The following NIM1K variants were observed in gnomAD, a reference collection of about 807,000 sequenced individuals.
NIM1K encodes the protein serine/threonine-protein kinase NIM1.
Under a neutral mutation model 37.1 loss-of-function variants are expected in NIM1K, and 35 were observed. The observed-to-expected ratio is 0.94, with a 90% CI of 0.72 to 1.25. The LOEUF is 1.25. Ranked by LOEUF, NIM1K falls within the 50% of genes most tolerant of loss-of-function variation. NIM1K has a pLI of 0.00. For missense variants in NIM1K, 564 were observed against 548.0 expected, an observed-to-expected ratio of 1.03 and a Z score of -0.29; for synonymous variants, 234 against 206.6, an observed-to-expected ratio of 1.13 and a Z score of -1.14.
At chr5:43,224,841 G>A (rs748337736) in intron 1 of NIM1K, among the ~76,000 whole-genome samples, 13 of 151,736 alleles carry the variant, frequency 8.6e-5, no homozygotes, top group African/African-American at 2.9e-4. Context: ...GATTACAGGC[G>A]TCCACCATCA....
At chr5:43,220,389 G>A (rs921317762) in intron 1 of NIM1K, among the ~76,000 whole-genome samples, 10 of 150,516 alleles carry the variant, frequency 6.6e-5, no homozygotes, top group African/African-American at 2.2e-4. Context: ...AGGTTCAAGC[G>A]ATTCTCCTGC....
chr5:43,219,227 C>A (rs148071064), intron 1 of NIM1K, among the ~76,000 whole-genome samples: 1 of 152,060 alleles, frequency 6.6e-6, no homozygotes, highest in South Asian at 2.1e-4. Context: ...ATTTTCAGTT[C>A]GAGACCAGCT....
At chr5:43,249,646 TGAAAACACTGACATCCA>T (rs964931224) in intron 2 of NIM1K, among the ~76,000 whole-genome samples, 3 of 151,994 alleles carry the variant, frequency 2.0e-5, no homozygotes, top group African/African-American at 7.2e-5. Flanking sequence ...AAAAGTTGAG[TGAAAACACTGACATCCA>T]GAAGGAGCTG....
chr5:43,232,854 C>T, intron 1 of NIM1K: 1 of 1,055,312 alleles, frequency 9.5e-7, no homozygotes. Context: ...TGGTGTAGTG[C>T]CTTCAGGCAT....
intron 1 of NIM1K, among the ~76,000 whole-genome samples, chr5:43,212,299 T>C (rs1041023423): frequency 1.3e-5 from 2 of 152,090 alleles, no homozygotes; most frequent in African/African-American, 4.8e-5. Flanking sequence ...CTGTTCCTTA[T>C]CCTTCCCAAC....
At chr5:43,202,807 C>T (rs1003835473) in intron 1 of NIM1K, among the ~76,000 whole-genome samples, 4 of 152,112 alleles carry the variant, frequency 2.6e-5, no homozygotes, top group Non-Finnish European at 5.9e-5. Flanking sequence ...GATAAAAATA[C>T]TTGTTTTATT....
chr5:43,224,686 A>C (rs1431169390), intron 1 of NIM1K, among the ~76,000 whole-genome samples: 1 of 137,222 alleles, frequency 7.3e-6, no homozygotes, highest in Non-Finnish European at 1.5e-5. Context: ...ATTAACAGCA[A>C]TAACAAGTGA....
Position 43,245,937 on chromosome 5 carries a change from C to T in NIM1K, c.162C>T (p.Asp54=). The change falls in exon 2 of 4, where the codon GAC becomes GAT. Residue 54 remains aspartate, a synonymous_variant. Coordinates refer to ENST00000326035, the MANE Select transcript of NIM1K (RefSeq NM_153361.4). ...CGCCCTTCGAGAAACTGACACAGGACATGTCCCAGGATGAGAAGGTGGTGA... is the reference window on the plus strand; with the variant it reads ...CGCCCTTCGAGAAACTGACACAGGATATGTCCCAGGATGAGAAGGTGGTGA... ...QLTPFEKLTQ[D]MSQDEKVVRE... is the part of the protein sequence containing the mutation. The T allele has an allele frequency of 6.2e-7, 1 of 1,614,132 alleles. No homozygotes were observed.
chr5:43,235,188 G>A (rs1337363731), intron 1 of NIM1K, among the ~76,000 whole-genome samples: 1 of 152,114 alleles, frequency 6.6e-6, no homozygotes, highest in African/African-American at 2.4e-5. Flanking sequence ...TTCATTCAGT[G>A]CTATTTTAAA....
chr5:43,249,639 A>T (rs1399828218), intron 2 of NIM1K, among the ~76,000 whole-genome samples: 22 of 152,134 alleles, frequency 1.4e-4, no homozygotes, highest in Admixed American at 8.5e-4. Context: ...GGAGGGAAAA[A>T]GTTGAGTGAA....
chr5:43,277,262 G>C lies in NIM1K; in HGVS notation c.498G>C (p.Gly166=). 1 of 1,614,078 alleles carries C rather than the reference G, an allele frequency of 6.2e-7. No homozygotes were observed. The change falls in exon 3 of 4, where the codon GGG becomes GGC. Residue 166 remains glycine (G), a synonymous_variant. Coordinates refer to ENST00000326035, the MANE Select transcript of NIM1K (RefSeq NM_153361.4). Reference sequence around the variant, plus strand: ...TCTTCGGAAAAATTAGCACTGAGGGGAAGCTCTCTGAACCAGAAAGCAAGC... The same window carrying C: ...TCTTCGGAAAAATTAGCACTGAGGGCAAGCTCTCTGAACCAGAAAGCAAGC... ...GELFGKISTE[G]KLSEPESKLI... is the part of the protein sequence containing the mutation.
At chr5:43,227,008 G>T (rs1277178926) in intron 1 of NIM1K, among the ~76,000 whole-genome samples, 2 of 152,300 alleles carry the variant, frequency 1.3e-5, no homozygotes, top group East Asian at 1.9e-4. Flanking sequence ...GAACAAGCAG[G>T]TTCCATTTGG....
chr5:43,244,913 G>A (rs1216539052), intron 1 of NIM1K, among the ~76,000 whole-genome samples, 169 bp from the exon 2 acceptor site: 1 of 152,114 alleles, frequency 6.6e-6, no homozygotes, highest in African/African-American at 2.4e-5. Context: ...GTGTGTATAT[G>A]CTCTTTTCTT....
chr5:43,245,509 G>T lies in NIM1K; in HGVS notation c.-267G>T, dbSNP rs1045058616. On this transcript the variant is annotated 5_prime_UTR_variant, in exon 2 of 4. Coordinates refer to ENST00000326035, the MANE Select transcript of NIM1K (RefSeq NM_153361.4). ...TATGTAACATGTGCCTAATTGTACA[G>T]CTAGAGCCTGCAAGTTCAACGTGAG... The T allele has an allele frequency of 7.8e-6, 3 of 385,582 alleles. No homozygotes were observed. The highest frequency in any genetic ancestry group is 1.4e-5 in the Non-Finnish European group (3 of 214,914). 23.9% of individuals were successfully genotyped at this position (385,582 alleles called of 1,614,324 possible). A position where few individuals can be genotyped will look rare whatever the true frequency, so the allele number is the denominator to read the frequency against.
intron 1 of NIM1K, among the ~76,000 whole-genome samples, chr5:43,198,143 C>CGA (rs1751945794): frequency 4.5e-5 from 2 of 44,462 alleles, no homozygotes; most frequent in Admixed American, 4.5e-4. Context: ...TTCTTTCTTT[C>CGA]TTTCTTTCTT....
At chr5:43,237,820 A>C (rs1418681702) in intron 1 of NIM1K, among the ~76,000 whole-genome samples, 1 of 152,154 alleles carries the variant, frequency 6.6e-6, no homozygotes, top group Non-Finnish European at 1.5e-5. Flanking sequence ...ATGTGTAAGA[A>C]TTCAGAGTTT....
chr5:43,232,441 A>T, intron 1 of NIM1K: 1 of 1,486,632 alleles, frequency 6.7e-7, no homozygotes, highest in Non-Finnish European at 9.4e-7. Flanking sequence ...GGACTCCATC[A>T]AATCTCAGGG....
chr5:43,219,808 C>T (rs532014426), intron 1 of NIM1K, among the ~76,000 whole-genome samples: 4 of 149,814 alleles, frequency 2.7e-5, no homozygotes, highest in Middle Eastern at 3.4e-3. Context: ...CTGCAACCTC[C>T]GCCCCCTGGG....
At chr5:43,203,284 A>G (rs1398853697) in intron 1 of NIM1K, among the ~76,000 whole-genome samples, 1 of 152,186 alleles carries the variant, frequency 6.6e-6, no homozygotes, top group Non-Finnish European at 1.5e-5. Context: ...CTGCCTCCCT[A>G]CATATTTTGA....
Sources: gnomAD v4.1 joint callset for allele counts (sites outside exome capture counted in the v4.1 genomes callset) on GRCh38, gnomAD v4.1.1 for gene constraint, MANE v1.5 for transcripts, NCBI Gene and HGNC (gene_info 2026-07-23, HGNC 2026-07-21) for gene names.